UBE2D3: variants seen among roughly 807,000 people sequenced by gnomAD.
The protein encoded by UBE2D3 is ubiquitin-conjugating enzyme E2 D3.
A neutral mutation model predicts 22.8 loss-of-function variants in UBE2D3; 2 were observed. The observed-to-expected ratio is 0.09, with a 90% CI of 0.04 to 0.28. The LOEUF (loss-of-function observed/expected upper bound fraction) is 0.28. Among genes scored for constraint, UBE2D3 ranks in the 10% least tolerant of loss-of-function variants. The pLI, the probability that UBE2D3 is intolerant of heterozygous loss-of-function variation, is 1.00. For missense variants in UBE2D3, 27 were observed against 182.5 expected (o/e 0.15, Z 4.91); for synonymous variants, 56 against 60.4 (o/e 0.93, Z 0.34).
chr4:102,828,217 A>G, upstream of UBE2D3: 1 of 985,300 alleles, frequency 1.0e-6, no homozygotes, highest in Non-Finnish European at 1.2e-6. Flanking sequence ...GCCTTGTCTC[A>G]CGCGCCCAAT....
intron 2 of UBE2D3, among the ~76,000 whole-genome samples, chr4:102,814,349 T>A (rs1349486582): frequency 6.6e-6 from 1 of 151,442 alleles, no homozygotes; most frequent in Non-Finnish European, 1.5e-5. Flanking sequence ...AGTGCAGTGG[T>A]GTGATCTTGG....
Position 102,809,793 on chromosome 4 carries a change from A to G in UBE2D3, c.87T>C (p.Asp29=). 6.2e-7 allele frequency: 1 copy of G among 1,614,046 alleles called. No individual in the cohort carries two copies. Among genetic ancestry groups the G allele is most frequent in the Non-Finnish European group, 8.5e-7 (1 of 1,179,998 alleles). The part of the protein sequence containing the change: ...AQCSAGPVGD[D]MFHWQATIMG... The stretch of plus-strand genomic sequence containing the variant: ...AAAATCAACTTGCAAGTTACTTACT[A>G]TCATCCCCAACTGGACCTGCAGAAC... Residue 29 remains aspartate (D), a splice_region_variant and synonymous_variant, in exon 3 of 8, where the codon GAT becomes GAC. Coordinates refer to ENST00000453744, the MANE Select transcript of UBE2D3 (RefSeq NM_181891.3).
chr4:102,827,172 C>T, intron 1 of UBE2D3: 4 of 987,028 alleles, frequency 4.1e-6, no homozygotes, highest in Non-Finnish European at 4.8e-6. Flanking sequence ...CAGCGCGCTC[C>T]CGCGCGCGCC....
At chr4:102,837,330 CA>C (rs1461330753) in intron 1 of UBE2D3, among the ~76,000 whole-genome samples, 1 of 152,086 alleles carries the variant, frequency 6.6e-6, no homozygotes, top group Admixed American at 6.5e-5. Context: ...AAATAAAGCT[CA>C]ATAATAAATA....
At chr4:102,798,297 T>TATATGC (rs1481588683) in intron 7 of UBE2D3, among the ~76,000 whole-genome samples, 1 of 146,678 alleles carries the variant, frequency 6.8e-6, no homozygotes, top group Non-Finnish European at 1.5e-5. Flanking sequence ...TATATATATA[T>TATATGC]GCACAGGAGA....
chr4:102,835,573 T>G (rs1731349049), intron 1 of UBE2D3, among the ~76,000 whole-genome samples: 1 of 152,196 alleles, frequency 6.6e-6, no homozygotes, highest in Non-Finnish European at 1.5e-5. Context: ...AAGCCAGAGA[T>G]ATGTGCTTTT....
chr4:102,855,848 A>G (rs1732595095), intron 1 of UBE2D3, among the ~76,000 whole-genome samples: 1 of 152,236 alleles, frequency 6.6e-6, no homozygotes, highest in Admixed American at 6.5e-5. Context: ...AAAAGATACA[A>G]ATTAACTAAA....
intron 1 of UBE2D3, among the ~76,000 whole-genome samples, chr4:102,849,637 G>C (rs223358): frequency 0.59 from 89,198 of 151,952 alleles, 27,867 homozygotes; most frequent in African/African-American, 0.82. Flanking sequence ...CCATTTTTGT[G>C]AAAAACAAAA....
At position 102,795,448 on chromosome 4, in the gene UBE2D3, A is replaced by C. The variant is rs1725177642; in HGVS notation, c.*1967T>G. On this transcript the variant is annotated 3_prime_UTR_variant, in exon 8 of 8. Coordinates refer to ENST00000453744, the MANE Select transcript of UBE2D3 (RefSeq NM_181891.3). ...TACCTTGTGGAGCAGAATGTTAACT[A>C]ATTTCTCATTCATAATTTGAATCCA... 1 of 152,104 alleles carries C rather than the reference A, an allele frequency of 6.6e-6. No individual in the cohort carries two copies. The highest frequency in any genetic ancestry group is 2.4e-5 in the African/African-American group (1 of 41,458). The allele number at this position is 152,104 out of a possible 1,614,324, so 9.4% of individuals were successfully genotyped here. A position where few individuals can be genotyped will look rare whatever the true frequency, so the allele number is the denominator to read the frequency against.
intron 2 of UBE2D3, among the ~76,000 whole-genome samples, chr4:102,820,191 A>G (rs1020468985): frequency 6.6e-6 from 1 of 152,222 alleles, no homozygotes; most frequent in African/African-American, 2.4e-5. Flanking sequence ...GACAGTAACT[A>G]CTGTAACTGT....
At chr4:102,842,583 A>G (rs1474964585) in intron 1 of UBE2D3, among the ~76,000 whole-genome samples, 3 of 151,942 alleles carry the variant, frequency 2.0e-5, no homozygotes, top group Non-Finnish European at 2.9e-5. Context: ...TTCACTTCTG[A>G]TAATTAAGAA....
chr4:102,868,654 C>T, intron 1 of UBE2D3: 1 of 1,613,144 alleles, frequency 6.2e-7, no homozygotes, highest in Non-Finnish European at 8.5e-7. Context: ...GCCACAGCAC[C>T]CAAACTGTAG....
intron 1 of UBE2D3, among the ~76,000 whole-genome samples, chr4:102,838,829 A>G (rs1323064286): frequency 6.7e-6 from 1 of 149,942 alleles, no homozygotes; most frequent in Non-Finnish European, 1.5e-5. Flanking sequence ...AAAAAAAAAA[A>G]AAGAGGAAAA....
chr4:102,809,170 T>C (rs1239109941), intron 4 of UBE2D3: 2 of 334,606 alleles, frequency 6.0e-6, no homozygotes, highest in African/African-American at 2.1e-5. Flanking sequence ...CTACCCAGGA[T>C]AGAAAGGAAT....
chr4:102,826,291 C>G (rs1050670681), intron 2 of UBE2D3, among the ~76,000 whole-genome samples, 194 bp downstream of exon 2: 1 of 152,204 alleles, frequency 6.6e-6, no homozygotes, highest in African/African-American at 2.4e-5. Context: ...ACCTCACTTG[C>G]CACAAGTGTT....
At chr4:102,827,119 T>C (rs1560875488) in intron 1 of UBE2D3, 9 of 986,430 alleles carry the variant, frequency 9.1e-6, no homozygotes, top group Admixed American at 1.2e-4. Context: ...CAGCGAGCTA[T>C]TCTGTGTCAC....
intron 1 of UBE2D3, chr4:102,826,906 G>A: frequency 9.6e-7 from 1 of 1,038,886 alleles, no homozygotes; most frequent in Non-Finnish European, 1.2e-6. Context: ...TGGGTGCGGG[G>A]CAGGGTCCGG....
At chr4:102,797,733 C>A (rs1397151050) in intron 7 of UBE2D3, among the ~76,000 whole-genome samples, 4 of 151,942 alleles carry the variant, frequency 2.6e-5, no homozygotes, top group Non-Finnish European at 5.9e-5. Flanking sequence ...AAGACCCTTT[C>A]TTTCTCTACC....
At chr4:102,847,606 G>A (rs1732103153) in intron 1 of UBE2D3, among the ~76,000 whole-genome samples, 1 of 151,630 alleles carries the variant, frequency 6.6e-6, no homozygotes, top group Admixed American at 6.6e-5. Context: ...AGTCTTAATT[G>A]TAGTTTTTAT....
Sources: gnomAD v4.1 joint callset for allele counts (sites outside exome capture counted in the v4.1 genomes callset) on GRCh38, gnomAD v4.1.1 for gene constraint, MANE v1.5 for transcripts, NCBI Gene and HGNC (gene_info 2026-07-23, HGNC 2026-07-21) for gene names.